The following DNAH5 variants were observed in gnomAD, a reference collection of about 807,000 sequenced individuals.
The protein encoded by DNAH5 is axonemal beta dynein heavy chain 5.
A neutral mutation model predicts 518.2 loss-of-function variants in DNAH5; 372 were observed. The ratio of observed to expected loss-of-function variants is 0.72; its 90% confidence interval spans 0.66 to 0.78. The LOEUF (loss-of-function observed/expected upper bound fraction) is 0.78, where lower values mean the gene tolerates loss of function less well. DNAH5 is among the 30% of genes least tolerant of loss of function. The pLI is 0.00. For synonymous variants in DNAH5, 2,039 were observed against 2,025.9 expected, an observed-to-expected ratio of 1.01 and a Z score of -0.17; for missense variants, 5,523 against 5,687.0, an observed-to-expected ratio of 0.97 and a Z score of 0.93.
intron 17 of DNAH5, among the ~76,000 whole-genome samples, chr5:13,886,458 C>T (rs561568501): frequency 5.6e-4 from 85 of 152,362 alleles, no homozygotes; most frequent in African/African-American, 1.9e-3. Flanking sequence ...TCCAGCCACC[C>T]TTCTTTCTCT....
intron 35 of DNAH5, among the ~76,000 whole-genome samples, chr5:13,837,208 C>T (rs577728946): frequency 1.3e-5 from 2 of 152,268 alleles, no homozygotes; most frequent in Admixed American, 6.5e-5. Context: ...AAATTTATGG[C>T]AATTTGTTAT....
chr5:13,924,807 T>C (rs1398896885), intron 3 of DNAH5, among the ~76,000 whole-genome samples: 2 of 152,212 alleles, frequency 1.3e-5, no homozygotes, highest in African/African-American at 4.8e-5. Flanking sequence ...TATCAGTACT[T>C]GAACAGTCAT....
At chr5:13,969,785 T>C (rs972394214) in intron 1 of DNAH5, among the ~76,000 whole-genome samples, 3 of 152,160 alleles carry the variant, frequency 2.0e-5, no homozygotes, top group African/African-American at 7.2e-5. Flanking sequence ...TAATCTGTAG[T>C]TGTTGGGTAG....
intron 21 of DNAH5, among the ~76,000 whole-genome samples, chr5:13,877,875 C>A (rs1252172987): frequency 6.6e-6 from 1 of 152,154 alleles, no homozygotes; most frequent in African/African-American, 2.4e-5. Context: ...TGGCTTTACA[C>A]AGGCATGAAG....
chr5:13,882,368 A>C (rs934011041), intron 21 of DNAH5, among the ~76,000 whole-genome samples: 4 of 152,096 alleles, frequency 2.6e-5, no homozygotes, highest in East Asian at 1.9e-4. Context: ...AAAAAAAAAA[A>C]AACTACAGGC....
At position 13,829,632 on chromosome 5, in the gene DNAH5, C is replaced by T; in HGVS notation, c.6322G>A (p.Val2108Met). 6.2e-7 allele frequency: 1 copy of T among 1,614,220 alleles called. No individual in the cohort carries two copies. The highest frequency in any genetic ancestry group is 8.5e-7 in the Non-Finnish European group (1 of 1,180,040). Residue 2108 changes from valine to methionine, a missense_variant, in exon 38 of 79, where the codon GTG becomes ATG. Coordinates refer to ENST00000265104, the MANE Select transcript of DNAH5 (RefSeq NM_001369.3). ...CTTATGATAATCTGACGGTCAGGCA[C>T]CATCATGGCCACTGAGCGGAAATTA... ...KINFRSVAMM[V>M]PDRQIIIRVK... is the part of the protein sequence containing the mutation.
intron 1 of DNAH5, among the ~76,000 whole-genome samples, chr5:13,976,564 T>C (rs1230034362): frequency 6.6e-6 from 1 of 152,172 alleles, no homozygotes; most frequent in Non-Finnish European, 1.5e-5. Context: ...TTAACTTTTA[T>C]TACAGTATAT....
intron 9 of DNAH5, 123 bp downstream of exon 9, chr5:13,916,225 C>G (rs576780022): frequency 4.0e-6 from 2 of 503,240 alleles, no homozygotes; most frequent in African/African-American, 2.0e-5. Context: ...ATAGCCTAAG[C>G]CTTTTTAAAA....
At chr5:13,855,353 C>A (rs1319364626) in intron 30 of DNAH5, among the ~76,000 whole-genome samples, 1 of 104,846 alleles carries the variant, frequency 9.5e-6, no homozygotes, top group Middle Eastern at 4.2e-3. Flanking sequence ...GGACTACAGG[C>A]GCCCGCCACT....
At position 13,823,918 on chromosome 5, in the gene DNAH5, C is replaced by A. The variant is rs995633383; in HGVS notation, c.6579+281G>T. ...AGACTCCAAAGGTGAGATTTGAGTT[C>A]TAAAACACAAAAATGATTCAAGGTA... On this transcript the variant is annotated intron_variant, in intron 39 of 78. Coordinates refer to ENST00000265104, the MANE Select transcript of DNAH5 (RefSeq NM_001369.3). Among the ~76,000 whole-genome samples, 4 of 152,088 alleles carry A rather than the reference C, an allele frequency of 2.6e-5. No homozygotes were observed. The East Asian group carries it at 7.7e-4, about 29-fold the overall frequency.
Position 13,955,504 on chromosome 5 carries a change from G to A in DNAH5, c.13-24260C>T, listed in dbSNP as rs146861530. 5.9e-5 allele frequency among the ~76,000 whole-genome samples: 9 copies of A among 152,204 alleles called. No homozygotes were observed. The East Asian group carries it at 1.5e-3, about 26-fold the overall frequency. ...AGCTCATTACATAATAATAACAAAT[G>A]TAAAGAAACAAAAATTGGAGGGGTT... On this transcript the variant is annotated intron_variant, in intron 1 of 78. Transcript: ENST00000681290.
At chr5:13,985,430 AATATATATATATATATAT>A (rs145568740) in intron 1 of DNAH5, among the ~76,000 whole-genome samples, 32 of 127,332 alleles carry the variant, frequency 2.5e-4, no homozygotes, top group Admixed American at 4.1e-4. Context: ...AGTATAATAA[AATATATATATATATATAT>A]ATATATATAT....
chr5:13,703,272 C>T (rs1468491991), intron 76 of DNAH5, among the ~76,000 whole-genome samples: 1 of 152,168 alleles, frequency 6.6e-6, no homozygotes, highest in African/African-American at 2.4e-5. Context: ...TCATGCCAGG[C>T]ACTGTTCTAA....
rs370788413 is a variant in DNAH5, at chr5:13,897,164, T to C, written c.2260-2343A>G. Reference sequence around the variant, plus strand: ...CCAGATGGACCTCATAATCCTTTCCTCATATAATGTTTTTCCACAATTTCT... The same window carrying C: ...CCAGATGGACCTCATAATCCTTTCCCCATATAATGTTTTTCCACAATTTCT... On this transcript the variant is annotated intron_variant, in intron 15 of 78. Coordinates refer to ENST00000265104, the MANE Select transcript of DNAH5 (RefSeq NM_001369.3). Among the ~76,000 whole-genome samples the C allele has an allele frequency of 6.9e-4, 105 of 152,344 alleles. 2 individuals are homozygous for C. In the South Asian group the frequency reaches 0.018, roughly 26 times the overall value.
At chr5:13,832,838 A>G (rs895716390) in intron 35 of DNAH5, among the ~76,000 whole-genome samples, 12 of 152,202 alleles carry the variant, frequency 7.9e-5, no homozygotes, top group African/African-American at 2.9e-4. Context: ...TGCCAAATGA[A>G]AAGCAACCAA....
intron 47 of DNAH5, among the ~76,000 whole-genome samples, chr5:13,807,219 A>AC (rs1759751872): frequency 6.6e-6 from 1 of 152,196 alleles, no homozygotes; most frequent in South Asian, 2.1e-4. Flanking sequence ...TGCCTAGCCT[A>AC]AAAGAGTATT....
intron 1 of DNAH5, among the ~76,000 whole-genome samples, chr5:13,973,713 A>G (rs1782030996): frequency 1.2e-5 from 1 of 84,674 alleles, no homozygotes; most frequent in South Asian, 5.1e-4. Context: ...AAATGGAGTC[A>G]CTTATGTTAA....
At chr5:13,992,278 C>A (rs1189796234) in intron 1 of DNAH5, among the ~76,000 whole-genome samples, 2 of 152,196 alleles carry the variant, frequency 1.3e-5, no homozygotes, top group African/African-American at 2.4e-5. Context: ...CCTAATCCCA[C>A]CAAGGCCTCA....
chr5:13,922,245 A>C lies in DNAH5; in HGVS notation c.522T>G (p.Pro174=), dbSNP rs941906716. 1.9e-6 allele frequency: 3 copies of C among 1,613,956 alleles called. No individual in the cohort carries two copies. The highest frequency in any genetic ancestry group is 2.5e-6 in the Non-Finnish European group (3 of 1,179,936). Residue 174 remains proline, a synonymous_variant, in exon 5 of 79, where the codon CCT becomes CCG. Coordinates refer to ENST00000265104, the MANE Select transcript of DNAH5 (RefSeq NM_001369.3). ...VRRLLSDIFI[P]ALRATSHGWG... is the part of the protein sequence containing the mutation. ...AGCCATGGCTCGTGGCTCTGAGAGCAGGAATGAAGATGTCCGACAGCAAAC... is the reference window on the plus strand; with the variant it reads ...AGCCATGGCTCGTGGCTCTGAGAGCCGGAATGAAGATGTCCGACAGCAAAC...
Sources: gnomAD v4.1 joint callset for allele counts (sites outside exome capture counted in the v4.1 genomes callset) on GRCh38, gnomAD v4.1.1 for gene constraint, MANE v1.5 for transcripts, NCBI Gene and HGNC (gene_info 2026-07-23, HGNC 2026-07-21) for gene names.